CYTIP: variants seen among roughly 807,000 people sequenced by gnomAD.
The protein encoded by CYTIP is cytohesin-interacting protein.
A neutral mutation model predicts 43.8 loss-of-function variants in CYTIP; 26 were observed. The observed-to-expected ratio is 0.59, with a 90% confidence interval of 0.44 to 0.82. The LOEUF is 0.82. CYTIP is among the 40% of genes least tolerant of loss of function. The pLI is 0.00. For missense variants in CYTIP, 426 were observed against 443.1 expected, an observed-to-expected ratio of 0.96 and a Z score of 0.35; for synonymous variants, 162 against 162.9, an observed-to-expected ratio of 0.99 and a Z score of 0.04.
At chr2:157,426,820 C>G (rs1346225500) in intron 6 of CYTIP, among the ~76,000 whole-genome samples, 2 of 152,150 alleles carry the variant, frequency 1.3e-5, no homozygotes, top group East Asian at 3.8e-4. Flanking sequence ...GGACCTCCTG[C>G]ATTATTTACT....
intron 6 of CYTIP, among the ~76,000 whole-genome samples, chr2:157,422,501 T>C (rs1573855131): frequency 6.6e-6 from 1 of 151,810 alleles, no homozygotes; most frequent in African/African-American, 2.4e-5. Flanking sequence ...AAATCCTGTC[T>C]CTACTAAAAA....
intron 1 of CYTIP, chr2:157,439,427 G>C (rs936534780): frequency 4.0e-5 from 6 of 151,454 alleles, no homozygotes; most frequent in African/African-American, 1.2e-4. Flanking sequence ...AATGAAGTGT[G>C]TCTAAGGTCT....
At chr2:157,430,822 T>C (rs1558939824) in intron 4 of CYTIP, 38 bp downstream of exon 4, 1 of 1,557,978 alleles carries the variant, frequency 6.4e-7, no homozygotes, top group South Asian at 1.2e-5. Context: ...TTTCTTTCCA[T>C]TTAAATGATT....
At chr2:157,419,304 T>G (rs1032057182) in intron 6 of CYTIP, among the ~76,000 whole-genome samples, 2 of 152,180 alleles carry the variant, frequency 1.3e-5, no homozygotes, top group Non-Finnish European at 1.5e-5. Context: ...GGACAGCTAT[T>G]TATTTTCCAC....
At chr2:157,434,580 G>A (rs182463375) in intron 2 of CYTIP, 118 bp downstream of exon 2, 44 of 832,776 alleles carry the variant, frequency 5.3e-5, no homozygotes, top group African/African-American at 8.0e-5. Context: ...GTGTGTGTGC[G>A]TCTGTGTGTG....
chr2:157,435,212 T>C (rs1558941147), intron 1 of CYTIP, among the ~76,000 whole-genome samples: 1 of 152,162 alleles, frequency 6.6e-6, no homozygotes, highest in Non-Finnish European at 1.5e-5. Context: ...ATACTTAGAA[T>C]GGCATATGAA....
intron 3 of CYTIP, 51 bp from the exon 4 acceptor site, chr2:157,431,013 A>G (rs904235253): frequency 7.0e-7 from 1 of 1,422,272 alleles, no homozygotes; most frequent in Non-Finnish European, 9.6e-7. Context: ...CTCAACATCT[A>G]TTTGCCAAAA....
Position 157,443,927 on chromosome 2 carries a change from CG to C in CYTIP, c.93del (p.Gly32AlafsTer14). 6.2e-7 allele frequency: 1 copy of C among 1,614,136 alleles called. No individual in the cohort carries two copies. Among genetic ancestry groups the C allele is most frequent in the Non-Finnish European group, 8.5e-7 (1 of 1,180,004 alleles). On this transcript the variant is annotated frameshift_variant, in exon 1 of 8. Transcript: ENST00000264192. LOFTEE classifies it high-confidence loss of function. ...CTATTATCGTCCATCGTAAGGCTGC[CG>C]GTGAGTGTGGAGTAAGAGCTATACG... ...GPAYSSYSTL[T>X]GSLTMDDNRR...
At position 157,414,673 on chromosome 2, in the gene CYTIP, G is replaced by T. The variant is rs1685410750; in HGVS notation, c.*1004C>A. ...TCCAGATTGTCTACTCTAGAATATA[G>T]GTTATGAATAGCTGTGCCACCAGAA... is the stretch of plus-strand genomic sequence containing the variant. On this transcript the variant is annotated 3_prime_UTR_variant, in exon 8 of 8. Transcript: ENST00000264192. The T allele has an allele frequency of 6.6e-6, 1 of 150,814 alleles. No homozygotes were observed. The highest frequency in any genetic ancestry group is 2.1e-4 in the South Asian group (1 of 4,744). 9.3% of individuals were successfully genotyped at this position (150,814 alleles called of 1,614,324 possible).
intron 6 of CYTIP, among the ~76,000 whole-genome samples, chr2:157,419,762 AAGGAAG>A (rs1160909416): frequency 1.2e-4 from 19 of 152,236 alleles, no homozygotes; most frequent in African/African-American, 4.3e-4. Context: ...GAAGGCTAAA[AAGGAAG>A]AGGCAAAAAA....
intron 2 of CYTIP, 108 bp downstream of exon 2, chr2:157,434,590 G>C: frequency 1.2e-6 from 1 of 804,792 alleles, no homozygotes; most frequent in Admixed American, 2.6e-5. Context: ...GTCTGTGTGT[G>C]TGCGTAGAGA....
At chr2:157,436,813 T>G (rs1158685988) in intron 1 of CYTIP, among the ~76,000 whole-genome samples, 1 of 152,184 alleles carries the variant, frequency 6.6e-6, no homozygotes, top group African/African-American at 2.4e-5. Context: ...GCAACTGAGA[T>G]GGTTGAAGAG....
chr2:157,428,947 G>C lies in CYTIP; in HGVS notation c.477-1527C>G, dbSNP rs549295491. ...GCTGTAGCTGAAAAGGACAGATCCTGGCATCCAGAGCAGGTGGTCAAACCC... is the reference window on the plus strand; with the variant it reads ...GCTGTAGCTGAAAAGGACAGATCCTCGCATCCAGAGCAGGTGGTCAAACCC... On this transcript the variant is annotated intron_variant, in intron 5 of 7. Transcript: ENST00000264192. 1.1e-4 allele frequency among the ~76,000 whole-genome samples: 17 copies of C among 152,176 alleles called. 1 individual carries two copies. The highest frequency in any genetic ancestry group is 5.9e-5 in the Non-Finnish European group (4 of 68,020).
Position 157,430,916 on chromosome 2 carries a change from G to C in CYTIP, c.326C>G (p.Thr109Ser). ...GTCCTCCTGTATTTTGCATATCAAA[G>C]TGAACATTTCCGAGGAGCAGGCATT... Reference protein sequence around the residue: ...NQNACSSEMFTLICKIQEDSP... With the variant: ...NQNACSSEMFSLICKIQEDSP... Residue 109 changes from threonine to serine, a missense_variant, in exon 4 of 8, where the codon ACT (threonine) becomes AGT (serine). Transcript: ENST00000264192. 1 of 1,613,986 alleles carries C rather than the reference G, an allele frequency of 6.2e-7. No homozygotes were observed. The highest frequency in any genetic ancestry group is 8.5e-7 in the Non-Finnish European group (1 of 1,179,986).
At chr2:157,430,765 CTCA>C in intron 4 of CYTIP, 92 bp downstream of exon 4, 3 of 1,463,316 alleles carry the variant, frequency 2.1e-6, no homozygotes, top group Non-Finnish European at 2.8e-6. Flanking sequence ...GCCAAGAAAA[CTCA>C]AAGCAACAAA....
Position 157,418,537 on chromosome 2 carries a change from T to A in CYTIP, c.599A>T (p.His200Leu), listed in dbSNP as rs753655443. ...ATTGCATTTACCATGAAGCAGACGA[T>A]GTTCCTGTAACTGCAGAGATCTGTA... The part of the protein sequence containing the change: ...VEYRSLQLQE[H>L]RLLHGDAANC... The change falls in exon 7 of 8, where the codon CAT becomes CTT. Residue 200 changes from histidine (H) to leucine (L), a missense_variant. Physicochemically the swap from His to Leu is moderately conservative, Grantham distance 99. Transcript: ENST00000264192. The A allele has an allele frequency of 1.3e-6, 2 of 1,596,576 alleles. No individual in the cohort carries two copies. The highest frequency in any genetic ancestry group is 2.3e-5 in the South Asian group (2 of 88,292).
chr2:157,437,302 A>G (rs1489607404), intron 1 of CYTIP, among the ~76,000 whole-genome samples: 1 of 152,210 alleles, frequency 6.6e-6, no homozygotes, highest in Non-Finnish European at 1.5e-5. Flanking sequence ...AAATATTTGC[A>G]AACTACTCAT....
At chr2:157,428,739 C>T (rs2105139183) in intron 5 of CYTIP, among the ~76,000 whole-genome samples, 1 of 152,324 alleles carries the variant, frequency 6.6e-6, no homozygotes, top group Admixed American at 6.5e-5. Flanking sequence ...CCAGGGTTCT[C>T]TAGAGCAAAA....
chr2:157,414,724 T>C lies in CYTIP; in HGVS notation c.*953A>G, dbSNP rs1685411968. The C allele has an allele frequency of 6.6e-6, 1 of 152,116 alleles. No homozygotes were observed. The highest frequency in any genetic ancestry group is 6.5e-5 in the Admixed American group (1 of 15,268). 9.4% of individuals were successfully genotyped at this position (152,116 alleles called of 1,614,324 possible). ...CAGAGAATTCATAGACTTCAATGGA[T>C]ATTAAATAAAACATGGAGTAATTGA... On this transcript the variant is annotated 3_prime_UTR_variant, in exon 8 of 8. Coordinates refer to ENST00000264192, the MANE Select transcript of CYTIP (RefSeq NM_004288.5).
Sources: allele counts gnomAD v4.1 joint callset (sites outside exome capture counted in the v4.1 genomes callset), GRCh38; gene constraint gnomAD v4.1.1; transcripts MANE v1.5; gene names NCBI Gene and HGNC (gene_info 2026-07-23, HGNC 2026-07-21).